Variants in PROZ observed in about 807,000 individuals in gnomAD.
The protein encoded by PROZ is vitamin K-dependent protein Z.
Under a neutral mutation model 34.9 loss-of-function variants are expected in PROZ, and 46 were observed. The ratio of observed to expected loss-of-function variants is 1.32; its 90% confidence interval spans 1.04 to 1.69. The LOEUF is 1.69. Ranked by LOEUF, PROZ falls within the 40% of genes most tolerant of loss-of-function variation. PROZ has a pLI of 0.00. For synonymous variants in PROZ, 195 were observed against 208.5 expected, an observed-to-expected ratio of 0.94 and a Z score of 0.56; for missense variants, 530 against 520.4, an observed-to-expected ratio of 1.02 and a Z score of -0.18.
rs3024717 is a variant in PROZ, at chr13:113,159,427, A to G, written c.71-587A>G. Among the ~76,000 whole-genome samples the G allele has an allele frequency of 7.4e-3, 1,117 of 151,684 alleles. 22 individuals carry two copies. The highest frequency in any genetic ancestry group is 0.025 in the African/African-American group (1,038 of 41,322). On this transcript the variant is annotated intron_variant, in intron 1 of 7. Coordinates refer to ENST00000375547, the MANE Select transcript of PROZ (RefSeq NM_003891.3). This position sits in a 1 kb window ranked among gnomAD's most constrained non-coding sequence, Gnocchi z 4.6. ...CTGTAACCCTCAGCACCGAGAGAAA[A>G]GGAGGGAGGATGGGAAGGGCCTGGG... is the stretch of plus-strand genomic sequence containing the variant.
In PROZ at chr13:113,172,114, C is replaced by T; in HGVS notation, c.*9C>T. 1 of 1,611,964 alleles carries T rather than the reference C, an allele frequency of 6.2e-7. No individual in the cohort carries two copies. The highest frequency in any genetic ancestry group is 2.2e-5 in the East Asian group (1 of 44,868). On this transcript the variant is annotated 3_prime_UTR_variant, in exon 8 of 8. Coordinates refer to ENST00000375547, the MANE Select transcript of PROZ (RefSeq NM_003891.3). The stretch of plus-strand genomic sequence containing the variant: ...AACAGATCATGAACTAACTGAAACT[C>T]AGCTAGCCAGAATGAACAACACAAC...
In PROZ at chr13:113,158,708, C is replaced by T. The variant is rs150663126; in HGVS notation, c.48C>T (p.Ala16=). ...PLLQGLVLVL[A]LHRVEPSVFL... ...TCCAGGGCCTGGTCCTGGTCCTCGCCCTCCATCGTGTGGAGCCCTCAGGTA... is the reference window on the plus strand; with the variant it reads ...TCCAGGGCCTGGTCCTGGTCCTCGCTCTCCATCGTGTGGAGCCCTCAGGTA... The change falls in exon 1 of 8, where the codon GCC becomes GCT. Residue 16 remains alanine, a synonymous_variant. Transcript: ENST00000375547. This position sits in a 1 kb window ranked among gnomAD's most constrained non-coding sequence, Gnocchi z 4.3. 6.2e-7 allele frequency: 1 copy of T among 1,606,388 alleles called. No individual in the cohort carries two copies. Among genetic ancestry groups the T allele is most frequent in the South Asian group, 1.1e-5 (1 of 89,328 alleles).
chr13:113,171,479 G>A lies in PROZ; in HGVS notation c.692-115G>A, dbSNP rs1047993905. 3.4e-5 allele frequency: 45 copies of A among 1,332,980 alleles called. No homozygotes were observed. Among genetic ancestry groups the A allele is most frequent in the Admixed American group, 3.1e-4 (16 of 51,804 alleles). The allele number at this position is 1,332,980 out of a possible 1,614,324, so 82.6% of individuals were successfully genotyped here. On this transcript the variant is annotated intron_variant, in intron 7 of 7. Transcript: ENST00000375547. The surrounding 1 kb of genome is among the most constrained non-coding windows in gnomAD (Gnocchi z 5.1). ...CCACACCACGGGGCGGTGAGCCTGCGGGTCCTCCAGGGCCGGTCTCTCCCT... is the reference window on the plus strand; with the variant it reads ...CCACACCACGGGGCGGTGAGCCTGCAGGTCCTCCAGGGCCGGTCTCTCCCT...
chr13:113,171,791 A>G lies in PROZ; in HGVS notation c.889A>G (p.Arg297Gly), dbSNP rs759648484. ...TGAGCACCTCCTCATCCCACGCACC[A>G]GGGGCCTCCTCAGCGGCTGGGCACG... ...FAEHLLIPRT[R>G]GLLSGWARNG... Residue 297 changes from arginine to glycine, a missense_variant, in exon 8 of 8, where the codon AGG (arginine) becomes GGG (glycine). Coordinates refer to ENST00000375547, the MANE Select transcript of PROZ (RefSeq NM_003891.3). This position sits in a 1 kb window ranked among gnomAD's most constrained non-coding sequence, Gnocchi z 5.1. 23 of 1,613,266 alleles carry G rather than the reference A, an allele frequency of 1.4e-5. No homozygotes were observed. Among genetic ancestry groups the G allele is most frequent in the Non-Finnish European group, 1.9e-5 (22 of 1,179,760 alleles).
In PROZ at chr13:113,163,446, G is replaced by C. The variant is rs3024780; in HGVS notation, c.373+324G>C. ...GGGGGGTCACACACAGGCGTCCTCA[G>C]TGCCAGACTCCCAGTGGGAGACTGC... is the stretch of plus-strand genomic sequence containing the variant. On this transcript the variant is annotated intron_variant, in intron 4 of 7. Coordinates refer to ENST00000375547, the MANE Select transcript of PROZ (RefSeq NM_003891.3). Among the ~76,000 whole-genome samples the C allele has an allele frequency of 3.3e-3, 509 of 152,198 alleles. 3 individuals are homozygous for C. Among genetic ancestry groups the C allele is most frequent in the South Asian group, 0.014 (68 of 4,808 alleles).
rs781610266 is a variant in PROZ at position 113,160,065 on chromosome 13, C to T, written c.122C>T (p.Ala41Val). The T allele has an allele frequency of 6.8e-6, 11 of 1,613,984 alleles. No individual in the cohort carries two copies. The highest frequency in any genetic ancestry group is 4.5e-5 in the East Asian group (2 of 44,894). The change falls in exon 2 of 8, where the codon GCG becomes GTG. Residue 41 changes from alanine to valine, a missense_variant. Coordinates refer to ENST00000375547, the MANE Select transcript of PROZ (RefSeq NM_003891.3). Reference protein sequence around the residue: ...ANDVLVRWKRAGSYLLEELFE... With the variant: ...ANDVLVRWKRVGSYLLEELFE... ...GACGTTCTGGTGAGGTGGAAGCGTG[C>T]GGGCTCCTATCTTCTGGAAGAACTC...
At chr13:113,164,740 T>G in intron 5 of PROZ, 96 bp downstream of exon 5, 1 of 1,554,198 alleles carries the variant, frequency 6.4e-7, no homozygotes, top group African/African-American at 1.4e-5. Flanking sequence ...GCCCGCGGAT[T>G]TGTGATAAGC....
Position 113,171,633 on chromosome 13 carries a change from T to C in PROZ, c.731T>C (p.Ile244Thr). Reference protein sequence around the residue: ...RTSQDPLMIKITHVHVHMRYD... With the variant: ...RTSQDPLMIKTTHVHVHMRYD... ...AGCCAAGACCCGCTGATGATCAAGATAACGCACGTCCATGTGCACATGCGG... is the reference window on the plus strand; with the variant it reads ...AGCCAAGACCCGCTGATGATCAAGACAACGCACGTCCATGTGCACATGCGG... Residue 244 changes from isoleucine (I) to threonine (T), a missense_variant, in exon 8 of 8, where the codon ATA becomes ACA. By Grantham distance (89) the Ile-to-Thr change is moderately conservative. Transcript: ENST00000375547. This position sits in a 1 kb window ranked among gnomAD's most constrained non-coding sequence, Gnocchi z 5.1. The C allele has an allele frequency of 6.2e-7, 1 of 1,614,156 alleles. No individual in the cohort carries two copies. The highest frequency in any genetic ancestry group is 8.5e-7 in the Non-Finnish European group (1 of 1,180,032).
At chr13:113,169,305 G>C (rs572744617) in intron 6 of PROZ, among the ~76,000 whole-genome samples, 1 of 152,206 alleles carries the variant, frequency 6.6e-6, no homozygotes, top group Non-Finnish European at 1.5e-5. Context: ...ATTTAATTTA[G>C]GTTTTTAAAA....
At chr13:113,165,297 TAACTAATACAAA>T in intron 6 of PROZ, 177 bp downstream of exon 6, 1 of 693,240 alleles carries the variant, frequency 1.4e-6, no homozygotes, top group Non-Finnish European at 2.6e-6. Context: ...GCCGAGTTCA[TAACTAATACAAA>T]AGGACAGCAT....
chr13:113,164,382 C>T, intron 4 of PROZ, 131 bp from the exon 5 acceptor site: 1 of 1,026,528 alleles, frequency 9.7e-7, no homozygotes, highest in Non-Finnish European at 1.5e-6. Context: ...ACACATGGAC[C>T]AACACACCAG....
chr13:113,159,574 T>G lies in PROZ; in HGVS notation c.71-440T>G, dbSNP rs896717638. ...TCCTCCTGGAAATCGCAGAGCCTGC[T>G]GCAATGTATAAGTTTCTTCTTTATG... On this transcript the variant is annotated intron_variant, in intron 1 of 7. Coordinates refer to ENST00000375547, the MANE Select transcript of PROZ (RefSeq NM_003891.3). This position sits in a 1 kb window ranked among gnomAD's most constrained non-coding sequence, Gnocchi z 4.6. 6.6e-6 allele frequency among the ~76,000 whole-genome samples: 1 copy of G among 152,232 alleles called. No individual in the cohort carries two copies. The highest frequency in any genetic ancestry group is 1.9e-4 in the East Asian group (1 of 5,198).
At chr13:113,165,302 A>C (rs1424884181) in intron 6 of PROZ, 182 bp downstream of exon 6, 2 of 685,070 alleles carry the variant, frequency 2.9e-6, no homozygotes, top group Non-Finnish European at 5.3e-6. Flanking sequence ...GTTCATAACT[A>C]ATACAAAAGG....
chr13:113,167,947 G>A (rs1037410547), intron 6 of PROZ, among the ~76,000 whole-genome samples: 11 of 151,686 alleles, frequency 7.3e-5, no homozygotes, highest in African/African-American at 2.7e-4. Flanking sequence ...TTCTTTGTTG[G>A]CGGTTGCTTC....
chr13:113,172,068 C>T lies in PROZ; in HGVS notation c.1166C>T (p.Ser389Phe), dbSNP rs1263747159. The T allele has an allele frequency of 6.2e-7, 1 of 1,613,014 alleles. No homozygotes were observed. The highest frequency in any genetic ancestry group is 1.7e-5 in the Admixed American group (1 of 60,014). Reference sequence around the variant, plus strand: ...CACATGGTCCTTGTCACCAAGGTCTCCAGGTACTCACTCTGGTTTAAACAG... The same window carrying T: ...CACATGGTCCTTGTCACCAAGGTCTTCAGGTACTCACTCTGGTTTAAACAG... ...QAHMVLVTKV[S>F]RYSLWFKQIM... Residue 389 changes from serine to phenylalanine, a missense_variant, in exon 8 of 8, where the codon TCC becomes TTC. Coordinates refer to ENST00000375547, the MANE Select transcript of PROZ (RefSeq NM_003891.3).
chr13:113,168,941 C>T (rs530358917), intron 6 of PROZ, among the ~76,000 whole-genome samples: 1 of 152,256 alleles, frequency 6.6e-6, no homozygotes, highest in African/African-American at 2.4e-5. Flanking sequence ...GTTGCTCAGG[C>T]TGGTCTCAAA....
At chr13:113,163,386 A>G (rs3024726) in intron 4 of PROZ, among the ~76,000 whole-genome samples, 67 of 151,900 alleles carry the variant, frequency 4.4e-4, no homozygotes, top group African/African-American at 1.2e-3. Context: ...TCCTCCCCCC[A>G]CCACCTCAAC....
rs3024775 is a variant in PROZ at position 113,172,140 on chromosome 13, C to T, written c.*35C>T. The T allele has an allele frequency of 1.3e-3, 2,144 of 1,607,708 alleles. 32 individuals carry two copies. In the African/African-American group the frequency reaches 0.025, roughly 19 times the overall value. The stretch of plus-strand genomic sequence containing the variant: ...AGCTAGCCAGAATGAACAACACAAC[C>T]GGAAGCGGGATTCCAAGCTGGCACT... On this transcript the variant is annotated 3_prime_UTR_variant, in exon 8 of 8. Coordinates refer to ENST00000375547, the MANE Select transcript of PROZ (RefSeq NM_003891.3).
intron 7 of PROZ, among the ~76,000 whole-genome samples, 180 bp downstream of exon 7, chr13:113,170,710 T>A (rs2037085490): frequency 6.6e-6 from 1 of 152,086 alleles, no homozygotes; most frequent in South Asian, 2.1e-4. Context: ...AGCAGAAGCC[T>A]GGGCCCAGCG....
Sources: allele counts gnomAD v4.1 joint callset (sites outside exome capture counted in the v4.1 genomes callset), GRCh38; gene constraint gnomAD v4.1.1; non-coding constraint Gnocchi (gnomAD v3.1); transcripts MANE v1.5; gene names NCBI Gene and HGNC (gene_info 2026-07-23, HGNC 2026-07-21).